The following LDAF1 variants were observed in gnomAD, a reference collection of about 807,000 sequenced individuals.
LDAF1 encodes lipid droplet assembly factor 1, also known as PROMETHIN.
In LDAF1, 7 loss-of-function variants were observed where a neutral mutation model predicts 13.5. The observed-to-expected ratio is 0.52, with a 90% confidence interval of 0.29 to 0.97. The LOEUF (loss-of-function observed/expected upper bound fraction) is 0.97. Ranked by LOEUF, LDAF1 falls within the 50% of genes least tolerant of loss-of-function variation. LDAF1 has a pLI of 0.07. For synonymous variants in LDAF1, 69 were observed against 77.1 expected (o/e 0.89, Z 0.55); for missense variants, 148 against 193.2 (o/e 0.77, Z 1.39).
At chr16:21,165,275 A>C (rs1434022390) in intron 2 of LDAF1, among the ~76,000 whole-genome samples, 1 of 152,232 alleles carries the variant, frequency 6.6e-6, no homozygotes, top group Non-Finnish European at 1.5e-5. Flanking sequence ...AGCCTGGCCA[A>C]CATGGTGAAA....
At chr16:21,165,557 C>G (rs1323104338) in intron 2 of LDAF1, 1 of 980,828 alleles carries the variant, frequency 1.0e-6, no homozygotes, top group Non-Finnish European at 1.2e-6. Flanking sequence ...ACCCATCTAC[C>G]CCTCCCCCTT....
intron 2 of LDAF1, 125 bp from the exon 3 acceptor site, chr16:21,170,312 T>C: frequency 6.5e-7 from 1 of 1,541,182 alleles, no homozygotes; most frequent in South Asian, 1.3e-5. Context: ...CTGTAGTGAC[T>C]TGTTAATGCA....
In LDAF1 at chr16:21,172,936, G is replaced by A. The variant is rs187942636; in HGVS notation, c.266-1074G>A. On this transcript the variant is annotated intron_variant, in intron 3 of 4. Transcript: ENST00000233047. ...CTAACTGGCCACTCACAAAGCAAAG[G>A]GAAGGATGTCAGCCATACAATACTT... 5.8e-5 allele frequency: 34 copies of A among 585,464 alleles called. No homozygotes were observed. The Admixed American group carries it at 1.9e-3, about 33-fold the overall frequency. 36.3% of individuals were successfully genotyped at this position (585,464 alleles called of 1,614,324 possible). A position where few individuals can be genotyped will look rare whatever the true frequency, so the allele number is the denominator to read the frequency against.
chr16:21,159,425 C>T lies in LDAF1; in HGVS notation c.-99+679C>T. 1.2e-6 allele frequency: 2 copies of T among 1,613,964 alleles called. 1 individual carries two copies. The highest frequency in any genetic ancestry group is 2.2e-5 in the South Asian group (2 of 91,076). On this transcript the variant is annotated intron_variant, in intron 1 of 4. Transcript: ENST00000233047. ...AGGGGCGGCCAGTGTGAGCTCGAGG[C>T]GCCCTGTAGCTCCCATCCCCCAACC...
rs543868759 is a variant in LDAF1, at chr16:21,169,131, A to T, written c.97-1306A>T. Reference sequence around the variant, plus strand: ...ATAATAATAATGCTTTTAATGCTTAATAATAGACAAGTGATTAGCTTTTAA... The same window carrying T: ...ATAATAATAATGCTTTTAATGCTTATTAATAGACAAGTGATTAGCTTTTAA... On this transcript the variant is annotated intron_variant, in intron 2 of 4. Transcript: ENST00000233047. The T allele has an allele frequency of 4.0e-5, 39 of 975,442 alleles. No homozygotes were observed. The African/African-American group carries it at 6.9e-4, about 17-fold the overall frequency. 60.4% of individuals were successfully genotyped at this position (975,442 alleles called of 1,614,324 possible). A position where few individuals can be genotyped will look rare whatever the true frequency, so the allele number is the denominator to read the frequency against.
intron 4 of LDAF1, among the ~76,000 whole-genome samples, chr16:21,174,580 AC>A (rs2093122630): frequency 1.3e-5 from 2 of 152,142 alleles, no homozygotes; most frequent in Admixed American, 1.3e-4. Flanking sequence ...AACTTGTAAG[AC>A]CCAGGTGTTT....
At chr16:21,175,718 A>G (rs2093132827) in intron 4 of LDAF1, among the ~76,000 whole-genome samples, 1 of 152,184 alleles carries the variant, frequency 6.6e-6, no homozygotes, top group African/African-American at 2.4e-5. Flanking sequence ...TTGTTTTTCT[A>G]CAAAACAGCC....
intron 2 of LDAF1, among the ~76,000 whole-genome samples, chr16:21,163,264 C>T (rs905770952): frequency 7.9e-5 from 12 of 152,132 alleles, no homozygotes; most frequent in South Asian, 2.1e-4. Flanking sequence ...CAGGAAGGCT[C>T]GGTGTCACCT....
intron 4 of LDAF1, 110 bp downstream of exon 4, chr16:21,174,258 T>TCTC: frequency 1.3e-5 from 13 of 1,027,382 alleles, no homozygotes; most frequent in South Asian, 3.5e-5. Context: ...GGCATGAACA[T>TCTC]AGCTCGCTAC....
intron 4 of LDAF1, among the ~76,000 whole-genome samples, chr16:21,175,423 C>T (rs1401661775): frequency 6.6e-6 from 1 of 152,192 alleles, no homozygotes; most frequent in African/African-American, 2.4e-5. Context: ...CAAAGTGACT[C>T]TCTAAAACAG....
intron 3 of LDAF1, among the ~76,000 whole-genome samples, chr16:21,171,603 C>CA (rs1567909603): frequency 6.6e-6 from 1 of 152,088 alleles, no homozygotes. Context: ...TGGTACCATG[C>CA]AAAGCTTTAC....
At chr16:21,162,712 A>G (rs541541640) in intron 2 of LDAF1, among the ~76,000 whole-genome samples, 3 of 152,332 alleles carry the variant, frequency 2.0e-5, no homozygotes, top group African/African-American at 7.2e-5. Flanking sequence ...GGATTTACCA[A>G]GCTATTTTTA....
chr16:21,168,904 A>T lies in LDAF1; in HGVS notation c.97-1533A>T, dbSNP rs2093056719. ...TTATATTATATATTTATATTTATATATTTATATTTATTTATATTTATATAT... is the reference window on the plus strand; with the variant it reads ...TTATATTATATATTTATATTTATATTTTTATATTTATTTATATTTATATAT... On this transcript the variant is annotated intron_variant, in intron 2 of 4. Transcript: ENST00000233047. 3.7e-5 allele frequency among the ~76,000 whole-genome samples: 5 copies of T among 134,644 alleles called. No individual in the cohort carries two copies. In the South Asian group the frequency reaches 1.1e-3, roughly 30 times the overall value. The allele number at this position is 134,644 out of a possible 152,430, so 88.3% of individuals were successfully genotyped here.
intron 1 of LDAF1, chr16:21,159,252 T>G: frequency 1.5e-6 from 2 of 1,308,820 alleles, no homozygotes; most frequent in South Asian, 2.3e-5. Context: ...AATTAATAAC[T>G]AAGTACTCGA....
At chr16:21,160,110 GATAA>G (rs770651998) in intron 1 of LDAF1, 2 of 301,806 alleles carry the variant, frequency 6.6e-6, no homozygotes, top group Non-Finnish European at 9.7e-6. Flanking sequence ...CCCCCTATAT[GATAA>G]ATAAATGTGA....
intron 3 of LDAF1, chr16:21,172,952 T>C: frequency 2.3e-6 from 1 of 436,152 alleles, no homozygotes; most frequent in East Asian, 1.5e-4. Flanking sequence ...ATGTCAGCCA[T>C]ACAATACTTG....
At chr16:21,177,505 T>C (rs2093149255) in intron 4 of LDAF1, among the ~76,000 whole-genome samples, 1 of 152,106 alleles carries the variant, frequency 6.6e-6, no homozygotes, top group Admixed American at 6.6e-5. Context: ...CTTCCAAATA[T>C]ATTTTGAAAA....
chr16:21,170,739 C>T, intron 3 of LDAF1, 134 bp downstream of exon 3: 5 of 1,059,974 alleles, frequency 4.7e-6, no homozygotes, highest in Non-Finnish European at 6.8e-6. Context: ...CTCCTGGGCT[C>T]AAGTGATCCT....
intron 2 of LDAF1, among the ~76,000 whole-genome samples, chr16:21,168,871 A>T (rs1223576206): frequency 1.5e-5 from 2 of 134,158 alleles, no homozygotes; most frequent in Non-Finnish European, 1.5e-5. Flanking sequence ...TATATTTATA[A>T]TTATAATTTA....
Sources: gnomAD v4.1 joint callset for allele counts (sites outside exome capture counted in the v4.1 genomes callset) on GRCh38, gnomAD v4.1.1 for gene constraint, MANE v1.5 for transcripts, NCBI Gene and HGNC (gene_info 2026-07-23, HGNC 2026-07-21) for gene names.